DLG2: variants seen among roughly 807,000 people sequenced by gnomAD.
The protein encoded by DLG2 is disks large homolog 2.
Under a neutral mutation model 132.5 loss-of-function variants are expected in DLG2, and 45 were observed. That is an observed-to-expected ratio of 0.34 (90% CI 0.27 to 0.44). The LOEUF (loss-of-function observed/expected upper bound fraction) is 0.44, where lower values mean the gene tolerates loss of function less well. Among genes scored for constraint, DLG2 ranks in the 20% least tolerant of loss-of-function variants. The pLI, the probability that DLG2 is intolerant of heterozygous loss-of-function variation, is 1.00. For synonymous variants in DLG2, 424 were observed against 419.6 expected (o/e 1.01, Z -0.13); for missense variants, 1,045 against 1,196.9 (o/e 0.87, Z 1.87).
intron 7 of DLG2, among the ~76,000 whole-genome samples, chr11:84,470,431 T>G (rs914993210): frequency 1.3e-5 from 2 of 151,730 alleles, no homozygotes; most frequent in Admixed American, 1.3e-4. Context: ...TTGTTCCTGT[T>G]GTCTAGGGGT....
intron 18 of DLG2, chr11:83,643,702 C>A (rs1010283603): frequency 2.0e-5 from 3 of 152,122 alleles, no homozygotes; most frequent in African/African-American, 7.2e-5. Flanking sequence ...AACTAATACA[C>A]CACTATTCCT....
At chr11:83,502,045 G>A (rs914194442) in intron 21 of DLG2, among the ~76,000 whole-genome samples, 2 of 152,148 alleles carry the variant, frequency 1.3e-5, no homozygotes, top group Non-Finnish European at 2.9e-5. Context: ...AAAAGTACTT[G>A]TCAATAATAA....
intron 21 of DLG2, among the ~76,000 whole-genome samples, chr11:83,513,599 T>G (rs1476276608): frequency 6.6e-6 from 1 of 152,234 alleles, no homozygotes; most frequent in South Asian, 2.1e-4. Context: ...ATGAAGTCCT[T>G]GCCCATGCCT....
intron 6 of DLG2, among the ~76,000 whole-genome samples, chr11:84,922,669 C>A (rs1270427317): frequency 6.6e-6 from 1 of 152,162 alleles, no homozygotes; most frequent in Admixed American, 6.5e-5. Flanking sequence ...AACCCCCCGG[C>A]TCTTAAACAA....
chr11:84,067,406 T>C (rs187748468), intron 10 of DLG2, among the ~76,000 whole-genome samples: 60 of 152,232 alleles, frequency 3.9e-4, no homozygotes, highest in African/African-American at 1.4e-3. Flanking sequence ...TTATGTCAAT[T>C]ATAATGAAAA....
chr11:84,984,065 G>C (rs907726621), intron 6 of DLG2, among the ~76,000 whole-genome samples: 5 of 152,156 alleles, frequency 3.3e-5, no homozygotes, highest in Admixed American at 1.3e-4. Context: ...AGAGAAATCT[G>C]AAAGTTTGGA....
At chr11:83,842,523 CA>C (rs771360645) in intron 16 of DLG2, among the ~76,000 whole-genome samples, 14,713 of 69,970 alleles carry the variant, frequency 0.21, 590 homozygotes, top group African/African-American at 0.28. Context: ...GAACCTGTCT[CA>C]AAAAAAAAAA....
At chr11:84,670,737 G>C (rs1403803562) in intron 6 of DLG2, among the ~76,000 whole-genome samples, 1 of 152,124 alleles carries the variant, frequency 6.6e-6, no homozygotes, top group Non-Finnish European at 1.5e-5. Flanking sequence ...GTAGAGCCAA[G>C]ATTTGAACTT....
chr11:84,562,049 T>TA (rs565957577), intron 6 of DLG2, among the ~76,000 whole-genome samples: 2 of 150,918 alleles, frequency 1.3e-5, no homozygotes, highest in Non-Finnish European at 1.5e-5. Flanking sequence ...TTTTAAAAGT[T>TA]AAAAAAAAAG....
intron 7 of DLG2, among the ~76,000 whole-genome samples, chr11:84,386,390 A>G (rs1382311649): frequency 6.6e-6 from 1 of 152,048 alleles, no homozygotes; most frequent in Non-Finnish European, 1.5e-5. Context: ...CTCTGTAACT[A>G]ATTTCTTAAA....
chr11:85,407,268 G>C (rs2088843782), intron 3 of DLG2, among the ~76,000 whole-genome samples: 1 of 151,786 alleles, frequency 6.6e-6, no homozygotes, highest in Non-Finnish European at 1.5e-5. Flanking sequence ...TCTTCTACAT[G>C]TTAAAAGGTA....
intron 19 of DLG2, among the ~76,000 whole-genome samples, chr11:83,618,853 T>C (rs2061230158): frequency 6.6e-6 from 1 of 152,188 alleles, no homozygotes; most frequent in African/African-American, 2.4e-5. Context: ...GCTTCTCAAA[T>C]CTCCCCTATT....
intron 9 of DLG2, among the ~76,000 whole-genome samples, chr11:84,157,160 A>G (rs1596314032): frequency 1.3e-5 from 2 of 152,080 alleles, no homozygotes; most frequent in East Asian, 3.8e-4. Context: ...TTATAGTTTA[A>G]TTAAATAATT....
At chr11:84,202,924 C>T (rs146809451) in intron 8 of DLG2, among the ~76,000 whole-genome samples, 11,625 of 152,204 alleles carry the variant, frequency 0.076, 610 homozygotes, top group South Asian at 0.17. Context: ...TACCATCTCA[C>T]GCCAGTCAGA....
chr11:83,578,720 T>C (rs1403144009), intron 19 of DLG2, among the ~76,000 whole-genome samples: 1 of 152,178 alleles, frequency 6.6e-6, no homozygotes, highest in African/African-American at 2.4e-5. Flanking sequence ...TCTTTATTCA[T>C]GTAATAACAG....
At chr11:85,541,254 T>C (rs2075949565) in intron 3 of DLG2, among the ~76,000 whole-genome samples, 1 of 152,168 alleles carries the variant, frequency 6.6e-6, no homozygotes, top group Non-Finnish European at 1.5e-5. Flanking sequence ...AATCTGAGTA[T>C]AAATTATTTA....
chr11:83,985,617 C>T (rs903435666), intron 11 of DLG2, among the ~76,000 whole-genome samples: 2 of 152,048 alleles, frequency 1.3e-5, no homozygotes, highest in Non-Finnish European at 2.9e-5. Context: ...GTTTGGTTTT[C>T]TGTTCCTGTG....
At chr11:83,981,107 A>G (rs1371840449) in intron 11 of DLG2, among the ~76,000 whole-genome samples, 2 of 152,210 alleles carry the variant, frequency 1.3e-5, no homozygotes, top group Admixed American at 1.3e-4. Flanking sequence ...GATACTCTTG[A>G]TATTTCAAGA....
intron 7 of DLG2, among the ~76,000 whole-genome samples, chr11:84,253,428 G>C (rs549492169): frequency 2.0e-5 from 3 of 152,252 alleles, no homozygotes; most frequent in South Asian, 2.1e-4. Context: ...AGTGTGCTTG[G>C]TAAACAGTAC....
Sources: allele counts gnomAD v4.1 joint callset (sites outside exome capture counted in the v4.1 genomes callset), GRCh38; gene constraint gnomAD v4.1.1; transcripts MANE v1.5; gene names NCBI Gene and HGNC (gene_info 2026-07-23, HGNC 2026-07-21).